Variants in ZNF641 observed in about 807,000 individuals in gnomAD.
ZNF641 encodes the protein zinc finger protein 641.
Under a neutral mutation model 46.2 loss-of-function variants are expected in ZNF641, and 26 were observed. That is an observed-to-expected ratio of 0.56 (90% CI 0.41 to 0.78). The LOEUF is 0.78. Ranked by LOEUF, ZNF641 falls within the 30% of genes least tolerant of loss-of-function variation. The probability of loss-of-function intolerance (pLI) is 0.00; values close to 1 mark genes in which losing one functional copy is unlikely to be tolerated. For missense variants in ZNF641, 469 were observed against 517.8 expected (o/e 0.91, Z 0.91); for synonymous variants, 163 against 187.9 (o/e 0.87, Z 1.09).
chr12:48,345,154 C>CTT (rs549990630), intron 4 of ZNF641, among the ~76,000 whole-genome samples, 191 bp downstream of exon 4: 1 of 145,434 alleles, frequency 6.9e-6, no homozygotes. Flanking sequence ...TGCTTTTTTA[C>CTT]TTTTTTTTTT....
chr12:48,341,085 C>T lies in ZNF641; in HGVS notation c.*1888G>A, dbSNP rs1952706046. 2.0e-6 allele frequency: 2 copies of T among 985,320 alleles called. No homozygotes were observed. The highest frequency in any genetic ancestry group is 1.7e-5 in the African/African-American group (1 of 57,228). 61.0% of individuals were successfully genotyped at this position (985,320 alleles called of 1,614,324 possible). On this transcript the variant is annotated 3_prime_UTR_variant, in exon 6 of 6. Transcript: ENST00000547026. Reference sequence around the variant, plus strand: ...TTCAAGTCACATAAACTCTAAGAAGCCCAGTCAGCAAAATAAGTCTATCTT... The same window carrying T: ...TTCAAGTCACATAAACTCTAAGAAGTCCAGTCAGCAAAATAAGTCTATCTT...
rs2136173431 is a variant in ZNF641, at chr12:48,342,326, T to G, written c.*647A>C. 1.0e-6 allele frequency: 1 copy of G among 985,826 alleles called. No homozygotes were observed. The highest frequency in any genetic ancestry group is 1.2e-6 in the Non-Finnish European group (1 of 830,274). 61.1% of individuals were successfully genotyped at this position (985,826 alleles called of 1,614,324 possible). A position where few individuals can be genotyped will look rare whatever the true frequency, so the allele number is the denominator to read the frequency against. On this transcript the variant is annotated 3_prime_UTR_variant, in exon 6 of 6. Coordinates refer to ENST00000547026, the MANE Select transcript of ZNF641 (RefSeq NM_001172681.2). ...GGCATAAGGAAGACAGACCCACACA[T>G]GAACAAGGTCTGGCCCCCCTGGCTT...
chr12:48,342,304 A>G lies in ZNF641; in HGVS notation c.*669T>C. 4.1e-6 allele frequency: 4 copies of G among 985,670 alleles called. No homozygotes were observed. In the South Asian group the frequency reaches 1.9e-4, roughly 46 times the overall value. The allele number at this position is 985,670 out of a possible 1,614,324, so 61.1% of individuals were successfully genotyped here. On this transcript the variant is annotated 3_prime_UTR_variant, in exon 6 of 6. Coordinates refer to ENST00000547026, the MANE Select transcript of ZNF641 (RefSeq NM_001172681.2). ...GGTGATGTATATACTGCTGATTGGC[A>G]TAAGGAAGACAGACCCACACATGAA...
chr12:48,339,825 A>T lies in ZNF641; in HGVS notation c.*3148T>A. ...TGACAAGGGAAAAGTTTTTCCTTCC[A>T]CAATTAGAACTAAGGCGTAAAGTGT... On this transcript the variant is annotated 3_prime_UTR_variant, in exon 6 of 6. Transcript: ENST00000547026. The T allele has an allele frequency of 5.7e-6, 4 of 695,890 alleles. No homozygotes were observed. The highest frequency in any genetic ancestry group is 7.1e-6 in the Non-Finnish European group (4 of 565,000). 43.1% of individuals were successfully genotyped at this position (695,890 alleles called of 1,614,324 possible). A position where few individuals can be genotyped will look rare whatever the true frequency, so the allele number is the denominator to read the frequency against.
intron 3 of ZNF641, among the ~76,000 whole-genome samples, chr12:48,346,083 G>A (rs1158049833): frequency 1.3e-5 from 2 of 151,944 alleles, no homozygotes; most frequent in African/African-American, 4.8e-5. Flanking sequence ...TTTTTGTGGT[G>A]TTAGTAGAGA....
rs1205101710 is a variant in ZNF641 at position 48,344,491 on chromosome 12, C to T, written c.520+108G>A. ...GCTTTTGAAGAAAAAAATCTCTAAA[C>T]CTTTTGTCTCTGGAACTCTCTGAGG... On this transcript the variant is annotated intron_variant, in intron 5 of 5. Transcript: ENST00000547026. 3 of 664,114 alleles carry T rather than the reference C, an allele frequency of 4.5e-6. No homozygotes were observed. In the African/African-American group the frequency reaches 5.5e-5, roughly 12 times the overall value. 41.1% of individuals were successfully genotyped at this position (664,114 alleles called of 1,614,324 possible).
chr12:48,343,501 G>A lies in ZNF641; in HGVS notation c.747C>T (p.Pro249=). ...GTTTCCCACACTGGGGGCATGTGTGGGGTCTTAACAGGGAATCCATCTCTG... is the reference window on the plus strand; with the variant it reads ...GTTTCCCACACTGGGGGCATGTGTGAGGTCTTAACAGGGAATCCATCTCTG... ...CSTEMDSLLR[P]HTCPQCGKQF... Residue 249 remains proline (P), a synonymous_variant, in exon 6 of 6, where the codon CCC becomes CCT. Transcript: ENST00000547026. The A allele has an allele frequency of 6.2e-7, 1 of 1,613,708 alleles. No individual in the cohort carries two copies. The highest frequency in any genetic ancestry group is 8.5e-7 in the Non-Finnish European group (1 of 1,179,700).
chr12:48,334,605 A>C (rs991483646), downstream of ZNF641, among the ~76,000 whole-genome samples: 7 of 152,024 alleles, frequency 4.6e-5, no homozygotes, highest in African/African-American at 1.7e-4. Flanking sequence ...ACCGTAATTA[A>C]GTTTATTATG....
chr12:48,347,293 C>T lies in ZNF641; in HGVS notation c.235G>A (p.Asp79Asn). 1 of 1,613,894 alleles carries T rather than the reference C, an allele frequency of 6.2e-7. No homozygotes were observed. The highest frequency in any genetic ancestry group is 1.1e-5 in the South Asian group (1 of 91,064). ...PAIPQEGNTG[D>N]WEMAAALLAA... is the part of the protein sequence containing the mutation. The stretch of plus-strand genomic sequence containing the variant: ...AGAAGTGCAGCTGCCATCTCCCAGT[C>T]TCCAGTGTTCCCCTCCTGGGGAATT... Residue 79 changes from aspartate to asparagine, a missense_variant, in exon 3 of 6, where the codon GAC (aspartate) becomes AAC (asparagine). By Grantham distance (23) the Asp-to-Asn change is conservative. This residue lies in a region of ZNF641 where 98 missense variants were observed against 105.7 expected (regional missense o/e 0.93). Transcript: ENST00000547026.
At chr12:48,335,187 T>G (rs1952595758), downstream of ZNF641, among the ~76,000 whole-genome samples, 1 of 152,306 alleles carries the variant, frequency 6.6e-6, no homozygotes, top group South Asian at 2.1e-4. Flanking sequence ...TCAGCCTCAT[T>G]TCTGACAACC....
chr12:48,344,793 G>T, intron 4 of ZNF641, 81 bp from the exon 5 acceptor site: 1 of 842,702 alleles, frequency 1.2e-6, no homozygotes, highest in Non-Finnish European at 1.9e-6. Flanking sequence ...ACAAAAAACT[G>T]TTTCCTATTG....
intron 5 of ZNF641, 137 bp from the exon 6 acceptor site, chr12:48,343,864 T>C: frequency 1.3e-6 from 1 of 798,108 alleles, no homozygotes; most frequent in Non-Finnish European, 1.9e-6. Flanking sequence ...CATAGTCTAA[T>C]GTCGTACAAG....
chr12:48,335,793 G>A (rs908560579), downstream of ZNF641, among the ~76,000 whole-genome samples: 1 of 152,130 alleles, frequency 6.6e-6, no homozygotes, highest in African/African-American at 2.4e-5. Flanking sequence ...AAGATTCTAG[G>A]CCCTGTGCTG....
At chr12:48,348,284 A>C (rs1952936530) in intron 1 of ZNF641, among the ~76,000 whole-genome samples, 169 bp from the exon 2 acceptor site, 1 of 152,244 alleles carries the variant, frequency 6.6e-6, no homozygotes, top group Non-Finnish European at 1.5e-5. Context: ...AGCCTGCACC[A>C]AGCTTCTTGG....
At position 48,350,045 on chromosome 12, in the gene ZNF641, C is replaced by A. The variant is rs376130461; in HGVS notation, c.-26+741G>T. On this transcript the variant is annotated intron_variant, in intron 1 of 5. Transcript: ENST00000547026. The stretch of plus-strand genomic sequence containing the variant: ...ATCTCAGCAAAGGATGGGATGGGTA[C>A]CTGTCCTCAGCTTGCATTTCCTAAG... 2.3e-5 allele frequency: 37 copies of A among 1,614,054 alleles called. No individual in the cohort carries two copies. The African/African-American group carries it at 4.1e-4, about 18-fold the overall frequency.
chr12:48,347,403 TG>T, intron 2 of ZNF641, 60 bp from the exon 3 acceptor site: 1 of 1,435,334 alleles, frequency 7.0e-7, no homozygotes. Flanking sequence ...CAATGGGGCC[TG>T]GGCCCCATTT....
At position 48,347,271 on chromosome 12, in the gene ZNF641, A is replaced by T; in HGVS notation, c.257T>A (p.Leu86His). 1 of 1,614,006 alleles carries T rather than the reference A, an allele frequency of 6.2e-7. No homozygotes were observed. Among genetic ancestry groups the T allele is most frequent in the Non-Finnish European group, 8.5e-7 (1 of 1,179,876 alleles). ...NTGDWEMAAA[L>H]LAAGSQGLVT... ...GCTCACCTGTGATCCAGCCGCAAGA[A>T]GTGCAGCTGCCATCTCCCAGTCTCC... Residue 86 changes from leucine to histidine, a missense_variant, in exon 3 of 6, where the codon CTT (leucine) becomes CAT (histidine). Physicochemically the swap from Leu to His is moderately conservative, Grantham distance 99. Transcript: ENST00000547026.
rs1953016381 is a variant in ZNF641, at chr12:48,350,865, T to G, written c.-105A>C. On this transcript the variant is annotated 5_prime_UTR_variant, in exon 1 of 6. Transcript: ENST00000547026. ...CTCCCCTCCGCCCTCCGCTTGCGTCTGGGAGCCGGCGGCCGGCGGAGCCAG... is the reference window on the plus strand; with the variant it reads ...CTCCCCTCCGCCCTCCGCTTGCGTCGGGGAGCCGGCGGCCGGCGGAGCCAG... 7.1e-6 allele frequency: 7 copies of G among 984,720 alleles called. No individual in the cohort carries two copies. The highest frequency in any genetic ancestry group is 8.4e-6 in the Non-Finnish European group (7 of 829,700). 61.0% of individuals were successfully genotyped at this position (984,720 alleles called of 1,614,324 possible).
chr12:48,342,262 A>G lies in ZNF641; in HGVS notation c.*711T>C, dbSNP rs746643554. 2.9e-4 allele frequency: 289 copies of G among 985,360 alleles called. No homozygotes were observed. Among genetic ancestry groups the G allele is most frequent in the Non-Finnish European group, 3.4e-4 (279 of 829,996 alleles). The allele number at this position is 985,360 out of a possible 1,614,324, so 61.0% of individuals were successfully genotyped here. On this transcript the variant is annotated 3_prime_UTR_variant, in exon 6 of 6. Transcript: ENST00000547026. ...TAATGGGTAAAAAGGTTATTTTTTC[A>G]GCAGGTGAGGGTGAGAGGTGATGTA...
Sources: gnomAD v4.1 joint callset for allele counts (sites outside exome capture counted in the v4.1 genomes callset) on GRCh38, gnomAD v4.1.1 for gene constraint, gnomAD v4.1.1 regional missense constraint, MANE v1.5 for transcripts, NCBI Gene and HGNC (gene_info 2026-07-23, HGNC 2026-07-21) for gene names.